Variants in WDR37 observed in about 807,000 individuals in gnomAD.
WDR37 encodes WD repeat-containing protein 37.
In WDR37, 19 loss-of-function variants were observed where a neutral mutation model predicts 62.9. The ratio of observed to expected loss-of-function variants is 0.30; its 90% CI spans 0.21 to 0.44. The LOEUF (loss-of-function observed/expected upper bound fraction) is 0.44, where lower values mean the gene tolerates loss of function less well. Among genes scored for constraint, WDR37 ranks in the 20% least tolerant of loss-of-function variants. The pLI is 1.00. For synonymous variants in WDR37, 250 were observed against 260.9 expected, an observed-to-expected ratio of 0.96 and a Z score of 0.40; for missense variants, 474 against 657.6, an observed-to-expected ratio of 0.72 and a Z score of 3.05.
At chr10:1,070,345 C>T (rs527467632) in intron 1 of WDR37, among the ~76,000 whole-genome samples, 3 of 151,978 alleles carry the variant, frequency 2.0e-5, no homozygotes, top group Non-Finnish European at 4.4e-5. Context: ...AGTTTTCTAA[C>T]ATTTTTGGGT....
chr10:1,097,793 C>A (rs897781833), intron 9 of WDR37, among the ~76,000 whole-genome samples: 2 of 152,212 alleles, frequency 1.3e-5, no homozygotes, highest in Non-Finnish European at 2.9e-5. Context: ...TTCCCTGTTG[C>A]CTCTTTCTCT....
rs547428008 is a variant in WDR37, at chr10:1,091,000, G to A, written c.605-2452G>A. Among the ~76,000 whole-genome samples, 4 of 152,324 alleles carry A rather than the reference G, an allele frequency of 2.6e-5. No homozygotes were observed. In the East Asian group the frequency reaches 5.8e-4, roughly 22 times the overall value. ...TGACCGGGGGTGATTGAGCTCTCTCGAGGGCCTCGTTATACAGGCGTGGTT... is the reference window on the plus strand; with the variant it reads ...TGACCGGGGGTGATTGAGCTCTCTCAAGGGCCTCGTTATACAGGCGTGGTT... On this transcript the variant is annotated intron_variant, in intron 7 of 13. Coordinates refer to ENST00000263150, the MANE Select transcript of WDR37 (RefSeq NM_014023.4).
intron 10 of WDR37, among the ~76,000 whole-genome samples, chr10:1,104,730 T>G (rs1834949135): frequency 1.3e-5 from 2 of 152,180 alleles, no homozygotes; most frequent in Admixed American, 1.3e-4. Flanking sequence ...CTTCTGCGAA[T>G]CTATCTCTAA....
chr10:1,112,908 C>T (rs1439067149), intron 11 of WDR37, among the ~76,000 whole-genome samples: 1 of 152,250 alleles, frequency 6.6e-6, no homozygotes. Context: ...GCAGCAAGTG[C>T]TGATGGAGAA....
intron 1 of WDR37, among the ~76,000 whole-genome samples, chr10:1,064,147 T>C (rs939381016): frequency 1.3e-5 from 2 of 151,868 alleles, no homozygotes; most frequent in Admixed American, 6.6e-5. Context: ...AAGTGAAAAA[T>C]AGAATATGTG....
chr10:1,065,242 T>A (rs1833499262), intron 1 of WDR37, among the ~76,000 whole-genome samples: 1 of 152,192 alleles, frequency 6.6e-6, no homozygotes. Flanking sequence ...ATATTTGTGA[T>A]TACGTTATAA....
intron 11 of WDR37, among the ~76,000 whole-genome samples, chr10:1,106,442 C>T (rs568643461): frequency 1.3e-5 from 2 of 152,258 alleles, no homozygotes; most frequent in African/African-American, 4.8e-5. Context: ...ATATGTTTAA[C>T]GTTAGTTACT....
chr10:1,120,794 C>T (rs1052376058), intron 11 of WDR37, among the ~76,000 whole-genome samples: 12 of 152,236 alleles, frequency 7.9e-5, no homozygotes, highest in Admixed American at 4.6e-4. Flanking sequence ...TTTTCCACAT[C>T]GTGTCGTCTT....
At chr10:1,057,535 A>G (rs1833231050) in intron 1 of WDR37, among the ~76,000 whole-genome samples, 1 of 152,190 alleles carries the variant, frequency 6.6e-6, no homozygotes, top group Non-Finnish European at 1.5e-5. Flanking sequence ...ACACAGCGCC[A>G]TGATATTGTT....
intron 7 of WDR37, among the ~76,000 whole-genome samples, chr10:1,092,122 G>A (rs747002733): frequency 8.1e-5 from 12 of 147,284 alleles, no homozygotes; most frequent in Non-Finnish European, 1.8e-4. Flanking sequence ...GGAGCTTGCA[G>A]TGAGCTGAGA....
intron 4 of WDR37, 131 bp downstream of exon 4, chr10:1,080,237 C>A: frequency 7.9e-7 from 1 of 1,267,066 alleles, no homozygotes; most frequent in South Asian, 1.3e-5. Flanking sequence ...AGGTGTGGGT[C>A]TAGGAGAATA....
chr10:1,094,238 A>G (rs548120474), intron 8 of WDR37, among the ~76,000 whole-genome samples: 15 of 152,356 alleles, frequency 9.8e-5, no homozygotes, highest in Middle Eastern at 6.8e-3. Context: ...GCCTAAAAGC[A>G]GCGGACAGTG....
At chr10:1,081,255 G>A (rs764628157) in intron 5 of WDR37, among the ~76,000 whole-genome samples, 12 of 152,132 alleles carry the variant, frequency 7.9e-5, no homozygotes, top group Non-Finnish European at 1.2e-4. Flanking sequence ...TTCTTAAAGT[G>A]GAAAGGGTTT....
chr10:1,076,081 GGATGTCCTTTTT>G (rs771351106), intron 2 of WDR37, among the ~76,000 whole-genome samples: 14 of 152,040 alleles, frequency 9.2e-5, no homozygotes, highest in Non-Finnish European at 1.8e-4. Context: ...TGCCTGGCTG[GGATGTCCTTTTT>G]GATGGCCTAG....
chr10:1,112,965 A>T (rs562266630), intron 11 of WDR37, among the ~76,000 whole-genome samples: 1 of 152,240 alleles, frequency 6.6e-6, no homozygotes, highest in African/African-American at 2.4e-5. Flanking sequence ...ATCGATGAAG[A>T]TGACTATGTT....
intron 9 of WDR37, among the ~76,000 whole-genome samples, chr10:1,101,621 C>T (rs902385391): frequency 6.6e-6 from 1 of 152,210 alleles, no homozygotes; most frequent in Admixed American, 6.5e-5. Context: ...CCGGGCATCA[C>T]ATCCTGCCGA....
In WDR37 at chr10:1,125,644, T is replaced by G. The variant is rs539991293; in HGVS notation, c.1353+620T>G. 9.9e-5 allele frequency among the ~76,000 whole-genome samples: 15 copies of G among 152,248 alleles called. No homozygotes were observed. In the East Asian group the frequency reaches 2.3e-3, roughly 24 times the overall value. ...TGGTGGCTCTGTGGGGAAGCCGTCT[T>G]AGATGTCTGCAGTTGTGTCTGTGCA... On this transcript the variant is annotated intron_variant, in intron 13 of 13. Transcript: ENST00000263150.
At chr10:1,089,393 G>T (rs951134784) in intron 7 of WDR37, among the ~76,000 whole-genome samples, 1 of 152,208 alleles carries the variant, frequency 6.6e-6, no homozygotes, top group African/African-American at 2.4e-5. Context: ...GGGCCTGGGG[G>T]CCTCAGGGCT....
At chr10:1,059,594 C>G (rs1220015806) in intron 1 of WDR37, among the ~76,000 whole-genome samples, 1 of 151,810 alleles carries the variant, frequency 6.6e-6, no homozygotes, top group Non-Finnish European at 1.5e-5. Flanking sequence ...GTCAGGAGTT[C>G]AAGACCAGCC....
Sources: allele counts gnomAD v4.1 joint callset (sites outside exome capture counted in the v4.1 genomes callset), GRCh38; gene constraint gnomAD v4.1.1; transcripts MANE v1.5; gene names NCBI Gene and HGNC (gene_info 2026-07-23, HGNC 2026-07-21).